The following WDR70 variants were observed in gnomAD, a reference collection of about 807,000 sequenced individuals.
WDR70 encodes WD repeat domain 70, also known as WD repeat-containing protein 70.
Under a neutral mutation model 88.6 loss-of-function variants are expected in WDR70, and 53 were observed. The ratio of observed to expected loss-of-function variants is 0.60; its 90% CI spans 0.48 to 0.75. The LOEUF is 0.75. Ranked by LOEUF, WDR70 falls within the 30% of genes least tolerant of loss-of-function variation. WDR70 has a pLI of 0.00. For synonymous variants in WDR70, 280 were observed against 270.0 expected, an observed-to-expected ratio of 1.04 and a Z score of -0.36; for missense variants, 610 against 823.2, an observed-to-expected ratio of 0.74 and a Z score of 3.17.
intron 9 of WDR70, among the ~76,000 whole-genome samples, chr5:37,593,420 A>G (rs1361146180): frequency 6.6e-6 from 1 of 151,458 alleles, no homozygotes; most frequent in Non-Finnish European, 1.5e-5. Flanking sequence ...TGTCCTTGTG[A>G]TAGTTTGCTC....
chr5:37,712,624 G>A (rs553222538), intron 13 of WDR70, among the ~76,000 whole-genome samples: 1 of 151,768 alleles, frequency 6.6e-6, no homozygotes, highest in Non-Finnish European at 1.5e-5. Context: ...TTAGAATAGG[G>A]GACAAATACT....
intron 13 of WDR70, among the ~76,000 whole-genome samples, chr5:37,713,624 G>T (rs969554292): frequency 6.6e-6 from 1 of 151,774 alleles, no homozygotes; most frequent in African/African-American, 2.4e-5. Context: ...TTATTATTAG[G>T]TAATACTTAT....
Position 37,510,549 on chromosome 5 carries a change from C to T in WDR70, c.841-5965C>T, listed in dbSNP as rs548250230. Among the ~76,000 whole-genome samples the T allele has an allele frequency of 2.0e-5, 3 of 152,324 alleles. No individual in the cohort carries two copies. In the South Asian group the frequency reaches 6.2e-4, roughly 32 times the overall value. On this transcript the variant is annotated intron_variant, in intron 8 of 17. Coordinates refer to ENST00000265107, the MANE Select transcript of WDR70 (RefSeq NM_018034.4). ...CTGGGCTCAAGCAATCCTTCTGCCT[C>T]AGTCTCCCTAGTAGCTGGGACTACC... is the stretch of plus-strand genomic sequence containing the variant.
At chr5:37,506,935 C>A in intron 8 of WDR70, 1 of 784,060 alleles carries the variant, frequency 1.3e-6, no homozygotes, top group Non-Finnish European at 2.3e-6. Flanking sequence ...CTCTTCCCAC[C>A]TTTCCCTTCC....
intron 9 of WDR70, among the ~76,000 whole-genome samples, chr5:37,589,249 TACACACACACACACACACACACAC>T (rs57446016): frequency 7.1e-6 from 1 of 140,102 alleles, no homozygotes; most frequent in African/African-American, 2.6e-5. Flanking sequence ...CCTACACACA[TACACACACACACACACACACACAC>T]ACACACACAC....
chr5:37,550,480 A>G (rs991665840), intron 9 of WDR70, among the ~76,000 whole-genome samples: 5 of 152,232 alleles, frequency 3.3e-5, no homozygotes, highest in African/African-American at 1.2e-4. Flanking sequence ...GTAAATGTCT[A>G]TTAGATCCAT....
chr5:37,739,069 G>A (rs572267209), intron 17 of WDR70, among the ~76,000 whole-genome samples: 1 of 152,244 alleles, frequency 6.6e-6, no homozygotes, highest in East Asian at 1.9e-4. Context: ...TAATCAAGTG[G>A]AAAATGTTTA....
intron 10 of WDR70, among the ~76,000 whole-genome samples, chr5:37,612,091 A>C (rs1744207572): frequency 6.6e-6 from 1 of 152,090 alleles, no homozygotes; most frequent in Non-Finnish European, 1.5e-5. Context: ...CACGGTATTC[A>C]CTCTAAGGAG....
intron 10 of WDR70, among the ~76,000 whole-genome samples, chr5:37,663,328 A>G (rs528286293): frequency 6.6e-6 from 1 of 152,270 alleles, no homozygotes; most frequent in African/African-American, 2.4e-5. Context: ...GGATTATTTG[A>G]TTTCTGTAAT....
intron 5 of WDR70, among the ~76,000 whole-genome samples, chr5:37,409,355 C>G (rs1749451799): frequency 1.3e-5 from 2 of 152,138 alleles, no homozygotes; most frequent in Admixed American, 1.3e-4. Flanking sequence ...TTCCAAAAAA[C>G]TAGCCTCAGC....
In WDR70 at chr5:37,610,661, C is replaced by T. The variant is rs191418566; in HGVS notation, c.1092+5423C>T. Among the ~76,000 whole-genome samples the T allele has an allele frequency of 2.9e-4, 44 of 152,118 alleles. No individual in the cohort carries two copies. The East Asian group carries it at 6.2e-3, about 21-fold the overall frequency. On this transcript the variant is annotated intron_variant, in intron 10 of 17. Coordinates refer to ENST00000265107, the MANE Select transcript of WDR70 (RefSeq NM_018034.4). ...GAGAATAAGACAAAAGAAATTTAAA[C>T]CTATAAGTAGTTTGTAAAAAATTCA...
At chr5:37,564,364 A>C (rs959424914) in intron 9 of WDR70, among the ~76,000 whole-genome samples, 5 of 152,184 alleles carry the variant, frequency 3.3e-5, no homozygotes, top group Non-Finnish European at 7.3e-5. Context: ...TCTCCACCAA[A>C]AAAAATACGA....
chr5:37,536,077 GGCACTACAGTGGTGGTGCTACCA>G (rs1229701677), intron 9 of WDR70, among the ~76,000 whole-genome samples: 1 of 152,048 alleles, frequency 6.6e-6, no homozygotes, highest in African/African-American at 2.4e-5. Context: ...TCTCTTGTAG[GGCACTACAGTGGTGGTGCTACCA>G]CATTGTCTGA....
chr5:37,645,539 T>C (rs1160130483), intron 10 of WDR70, among the ~76,000 whole-genome samples: 1 of 152,138 alleles, frequency 6.6e-6, no homozygotes, highest in African/African-American at 2.4e-5. Flanking sequence ...TGAAAATCTG[T>C]CTGGAAGATC....
intron 5 of WDR70, among the ~76,000 whole-genome samples, chr5:37,424,971 C>CG (rs1401014717): frequency 2.0e-5 from 3 of 152,062 alleles, no homozygotes; most frequent in Non-Finnish European, 4.4e-5. Context: ...AGGCTGGGTG[C>CG]GGTGGCTCAC....
At chr5:37,725,966 T>A (rs1747959056) in intron 16 of WDR70, among the ~76,000 whole-genome samples, 1 of 152,204 alleles carries the variant, frequency 6.6e-6, no homozygotes, top group Non-Finnish European at 1.5e-5. Flanking sequence ...ACTTCTTTCC[T>A]GCTCTGATCT....
intron 17 of WDR70, among the ~76,000 whole-genome samples, chr5:37,738,299 G>C (rs547517629): frequency 1.3e-5 from 2 of 152,252 alleles, no homozygotes; most frequent in Middle Eastern, 6.8e-3. Context: ...AAAGCTTGTG[G>C]TTTATACTCA....
intron 3 of WDR70, among the ~76,000 whole-genome samples, chr5:37,383,078 T>G (rs1748483503): frequency 1.3e-5 from 2 of 151,530 alleles, no homozygotes; most frequent in Admixed American, 1.3e-4. Context: ...TAAAATAAAA[T>G]AAGATAAAAT....
intron 7 of WDR70, among the ~76,000 whole-genome samples, chr5:37,476,195 T>C (rs574991838): frequency 6.6e-6 from 1 of 152,278 alleles, no homozygotes; most frequent in South Asian, 2.1e-4. Context: ...GTTAGCTTTT[T>C]AGTTTATTGT....
Sources: allele counts gnomAD v4.1 joint callset (sites outside exome capture counted in the v4.1 genomes callset), GRCh38; gene constraint gnomAD v4.1.1; transcripts MANE v1.5; gene names NCBI Gene and HGNC (gene_info 2026-07-23, HGNC 2026-07-21).